ERC1: variants seen among roughly 807,000 people sequenced by gnomAD.
The protein encoded by ERC1 is ELKS/RAB6-interacting/CAST family member 1.
In ERC1, 56 loss-of-function variants were observed where a neutral mutation model predicts 132.0. That is an observed-to-expected ratio of 0.42 (90% CI 0.34 to 0.53). The LOEUF is 0.53. Ranked by LOEUF, ERC1 falls within the 20% of genes least tolerant of loss-of-function variation. The probability of loss-of-function intolerance (pLI) is 0.03; values close to 1 mark genes in which losing one functional copy is unlikely to be tolerated. For missense variants in ERC1, 1,202 were observed against 1,349.9 expected, an observed-to-expected ratio of 0.89 and a Z score of 1.72; for synonymous variants, 478 against 476.1, an observed-to-expected ratio of 1.00 and a Z score of -0.05.
intron 17 of ERC1, among the ~76,000 whole-genome samples, chr12:1,439,970 G>GT (rs1157692137): frequency 1.3e-5 from 2 of 152,176 alleles, no homozygotes; most frequent in Admixed American, 6.5e-5. Context: ...GGCTTAAGTA[G>GT]TTTTTTTACA....
At position 1,454,100 on chromosome 12, in the gene ERC1, G is replaced by A. The variant is rs114158528; in HGVS notation, c.3213+9350G>A. 4.4e-3 allele frequency among the ~76,000 whole-genome samples: 674 copies of A among 152,136 alleles called. 9 individuals are homozygous for A. The highest frequency in any genetic ancestry group is 0.015 in the African/African-American group (639 of 41,496). ...GAGCTGCAGGTTGAGTTGATTGCCC[G>A]TGGCCAATGATGTAATTAATCATGC... On this transcript the variant is annotated intron_variant, in intron 18 of 18. Coordinates refer to ENST00000360905, the MANE Select transcript of ERC1 (RefSeq NM_178040.4).
At chr12:1,353,391 T>C (rs1228385006) in intron 15 of ERC1, among the ~76,000 whole-genome samples, 1 of 152,182 alleles carries the variant, frequency 6.6e-6, no homozygotes, top group African/African-American at 2.4e-5. Flanking sequence ...TAAGGACAGT[T>C]ATTTGAAAGA....
At chr12:1,246,547 T>C (rs1385127230) in intron 13 of ERC1, among the ~76,000 whole-genome samples, 1 of 152,232 alleles carries the variant, frequency 6.6e-6, no homozygotes, top group Non-Finnish European at 1.5e-5. Context: ...GTGTGAAAGT[T>C]TGAGGTTAAA....
chr12:1,481,592 C>T (rs886540), intron 18 of ERC1, among the ~76,000 whole-genome samples: 55,267 of 152,052 alleles, frequency 0.36, 10,393 homozygotes, highest in African/African-American at 0.43. Context: ...AAAATTTGAA[C>T]CATGCCTAAT....
intron 8 of ERC1, among the ~76,000 whole-genome samples, chr12:1,167,825 C>T (rs2968878): frequency 0.98 from 148,239 of 151,622 alleles, 72,495 homozygotes; most frequent in East Asian, 1. Context: ...CCAGCAGTTC[C>T]CCTGCCTCAG....
At chr12:1,154,918 A>G (rs189007550) in intron 8 of ERC1, among the ~76,000 whole-genome samples, 32 of 152,362 alleles carry the variant, frequency 2.1e-4, no homozygotes, top group Non-Finnish European at 2.4e-4. Context: ...AGCTGGTATC[A>G]TGGATGTGGT....
intron 16 of ERC1, among the ~76,000 whole-genome samples, chr12:1,406,265 A>G (rs933189761): frequency 3.9e-5 from 6 of 152,210 alleles, no homozygotes; most frequent in African/African-American, 1.2e-4. Context: ...AACTCAGGCA[A>G]TTTGGCTCTT....
At position 1,189,896 on chromosome 12, in the gene ERC1, A is replaced by G. The variant is rs758306806; in HGVS notation, c.2195A>G (p.Glu732Gly). The G allele has an allele frequency of 5.6e-6, 9 of 1,613,674 alleles. No individual in the cohort carries two copies. In the African/African-American group the frequency reaches 1.2e-4, roughly 22 times the overall value. ...GCATTGGAAGCCAGAGCCAGTCCAG[A>G]GATGAGTGACCGAATACAGCACTTG... ...EAALEARASP[E>G]MSDRIQHLER... Residue 732 changes from glutamate to glycine, a missense_variant, in exon 12 of 19, where the codon GAG (glutamate) becomes GGG (glycine). Transcript: ENST00000360905.
intron 2 of ERC1, among the ~76,000 whole-genome samples, chr12:1,078,047 TTTTC>T (rs1252144901): frequency 2.6e-5 from 4 of 152,170 alleles, no homozygotes; most frequent in Admixed American, 2.6e-4. Context: ...GTAGTTAATG[TTTTC>T]TTTCTTTACC....
intron 15 of ERC1, among the ~76,000 whole-genome samples, chr12:1,351,970 G>A (rs1020360151): frequency 6.6e-6 from 1 of 151,926 alleles, no homozygotes; most frequent in East Asian, 1.9e-4. Flanking sequence ...ATGGTTAAAC[G>A]GTTGGTAAGT....
chr12:1,097,231 G>A (rs1234126605), intron 3 of ERC1, among the ~76,000 whole-genome samples: 1 of 152,124 alleles, frequency 6.6e-6, no homozygotes, highest in African/African-American at 2.4e-5. Flanking sequence ...TACTTCGTGT[G>A]TATAGAATTT....
At chr12:1,110,435 T>C (rs1177545909) in intron 5 of ERC1, 88 bp downstream of exon 5, 1 of 1,029,170 alleles carries the variant, frequency 9.7e-7, no homozygotes, top group African/African-American at 1.6e-5. Context: ...TAAAGCCGTA[T>C]TTTACACTCT....
intron 18 of ERC1, among the ~76,000 whole-genome samples, chr12:1,488,089 G>T (rs909187528): frequency 2.7e-5 from 4 of 148,576 alleles, no homozygotes; most frequent in African/African-American, 9.9e-5. Context: ...AGTGAGCTGA[G>T]ATCGCGCCAC....
chr12:1,335,704 G>A (rs532914030), intron 15 of ERC1, among the ~76,000 whole-genome samples: 6 of 152,116 alleles, frequency 3.9e-5, no homozygotes, highest in African/African-American at 1.4e-4. Flanking sequence ...TTTTATCTCT[G>A]CCAGGTTTTG....
chr12:1,037,775 T>C (rs961881511), intron 2 of ERC1, among the ~76,000 whole-genome samples: 2 of 152,148 alleles, frequency 1.3e-5, no homozygotes, highest in Admixed American at 6.5e-5. Context: ...CCTGGCGCAG[T>C]GGCTCACGTT....
intron 14 of ERC1, among the ~76,000 whole-genome samples, chr12:1,279,598 C>G (rs2078522433): frequency 6.6e-6 from 1 of 150,420 alleles, no homozygotes; most frequent in African/African-American, 2.4e-5. Context: ...TTTGGCACAT[C>G]CAAAATTAAA....
At chr12:1,305,561 C>A (rs1354491652) in intron 15 of ERC1, among the ~76,000 whole-genome samples, 8 of 152,148 alleles carry the variant, frequency 5.3e-5, no homozygotes, top group Non-Finnish European at 7.3e-5. Context: ...TAACTGAATT[C>A]TTTGTTATTA....
At chr12:1,379,444 G>C (rs992393837) in intron 16 of ERC1, among the ~76,000 whole-genome samples, 1 of 152,208 alleles carries the variant, frequency 6.6e-6, no homozygotes, top group African/African-American at 2.4e-5. Flanking sequence ...GTTTGCACTA[G>C]TCTCTCCTCA....
At chr12:1,184,381 C>G in intron 11 of ERC1, among the ~76,000 whole-genome samples, 1 of 151,856 alleles carries the variant, frequency 6.6e-6, no homozygotes, top group Admixed American at 6.6e-5. Context: ...ATTTTATTAT[C>G]TTCACCTTCT....
Sources: gnomAD v4.1 joint callset for allele counts (sites outside exome capture counted in the v4.1 genomes callset) on GRCh38, gnomAD v4.1.1 for gene constraint, MANE v1.5 for transcripts, NCBI Gene and HGNC (gene_info 2026-07-23, HGNC 2026-07-21) for gene names.